Variants in GRID2 observed in about 807,000 individuals in gnomAD.
The protein encoded by GRID2 is glutamate ionotropic receptor delta type subunit 2.
In GRID2, 33 loss-of-function variants were observed where a neutral mutation model predicts 114.8. That is an observed-to-expected ratio of 0.29 (90% CI 0.22 to 0.38). The LOEUF (loss-of-function observed/expected upper bound fraction) is 0.38. Among genes scored for constraint, GRID2 ranks in the 10% least tolerant of loss-of-function variants. GRID2 has a pLI of 1.00. For synonymous variants in GRID2, 505 were observed against 449.9 expected, an observed-to-expected ratio of 1.12 and a Z score of -1.55; for missense variants, 1,184 against 1,257.7, an observed-to-expected ratio of 0.94 and a Z score of 0.89.
chr4:93,453,338 G>A (rs931218468), intron 10 of GRID2, among the ~76,000 whole-genome samples: 5 of 150,814 alleles, frequency 3.3e-5, no homozygotes, highest in African/African-American at 9.8e-5. Flanking sequence ...GAGAGAGAGA[G>A]AGAGAGAGAG....
chr4:92,830,772 A>T (rs1298522852), intron 2 of GRID2, among the ~76,000 whole-genome samples: 1 of 152,204 alleles, frequency 6.6e-6, no homozygotes, highest in African/African-American at 2.4e-5. Context: ...AAACTAAAGC[A>T]AAAATACTTA....
chr4:93,061,033 G>A (rs2149292667), intron 2 of GRID2, among the ~76,000 whole-genome samples: 1 of 152,058 alleles, frequency 6.6e-6, no homozygotes, highest in East Asian at 1.9e-4. Flanking sequence ...ACCCTGAGAG[G>A]CGGACGTTGC....
At chr4:93,741,185 A>ATATATATATATG (rs1731365989) in intron 14 of GRID2, among the ~76,000 whole-genome samples, 1 of 35,762 alleles carries the variant, frequency 2.8e-5, no homozygotes, top group South Asian at 1.1e-3. Flanking sequence ...ATATATATAT[A>ATATATATATATG]TATATATATA....
chr4:93,402,424 T>C (rs1350716309), intron 9 of GRID2, among the ~76,000 whole-genome samples: 5 of 152,122 alleles, frequency 3.3e-5, no homozygotes, highest in South Asian at 2.1e-4. Flanking sequence ...ACAGTGCTTC[T>C]ACATACATTA....
chr4:93,524,803 ATATATATATATGTATGTATG>A (rs1427162722), intron 13 of GRID2, among the ~76,000 whole-genome samples: 2,506 of 76,976 alleles, frequency 0.033, 49 homozygotes, highest in East Asian at 0.059. Flanking sequence ...ATATATATAT[ATATATATATATGTATGTATG>A]TATATATATA....
chr4:92,642,510 C>A (rs1460561749), intron 2 of GRID2, among the ~76,000 whole-genome samples: 4 of 151,760 alleles, frequency 2.6e-5, no homozygotes, highest in Non-Finnish European at 2.9e-5. Context: ...GACTTGAGTT[C>A]TTCGTTGATT....
intron 1 of GRID2, among the ~76,000 whole-genome samples, chr4:92,374,217 C>G (rs1267147215): frequency 6.6e-6 from 1 of 152,132 alleles, no homozygotes; most frequent in South Asian, 2.1e-4. Context: ...CATTTTACAA[C>G]TTATTCTCTT....
chr4:92,498,405 C>A (rs1723500437), intron 1 of GRID2, among the ~76,000 whole-genome samples: 1 of 151,432 alleles, frequency 6.6e-6, no homozygotes, highest in African/African-American at 2.4e-5. Context: ...CAGTAAAGGG[C>A]AATTAAGGGT....
At chr4:93,011,645 A>G (rs946710228) in intron 2 of GRID2, among the ~76,000 whole-genome samples, 1 of 152,156 alleles carries the variant, frequency 6.6e-6, no homozygotes, top group Non-Finnish European at 1.5e-5. Context: ...TTACCATGTC[A>G]CATTGACAAT....
chr4:92,364,573 TGAG>T (rs1276808751), intron 1 of GRID2, among the ~76,000 whole-genome samples: 1 of 151,886 alleles, frequency 6.6e-6, no homozygotes, highest in Non-Finnish European at 1.5e-5. Context: ...TTTTTTTCAT[TGAG>T]GAGAGGTCTA....
chr4:92,456,650 A>G (rs907897300), intron 1 of GRID2, among the ~76,000 whole-genome samples: 7 of 152,154 alleles, frequency 4.6e-5, no homozygotes, highest in Non-Finnish European at 1.0e-4. Flanking sequence ...GATCTAATCT[A>G]TGTATCACTT....
intron 2 of GRID2, among the ~76,000 whole-genome samples, chr4:92,964,209 C>A (rs1038445433): frequency 6.6e-6 from 1 of 152,040 alleles, no homozygotes; most frequent in Non-Finnish European, 1.5e-5. Flanking sequence ...TAGCCCCTAA[C>A]AAGAGAGTCA....
chr4:92,828,000 A>T (rs899948722), intron 2 of GRID2, among the ~76,000 whole-genome samples: 1 of 152,050 alleles, frequency 6.6e-6, no homozygotes, highest in African/African-American at 2.4e-5. Context: ...ATTAATAGAT[A>T]TGTAAGAATT....
intron 8 of GRID2, among the ~76,000 whole-genome samples, chr4:93,304,384 C>G (rs928072090): frequency 5.3e-5 from 8 of 151,378 alleles, no homozygotes; most frequent in African/African-American, 1.7e-4. Flanking sequence ...ACTAGTCAAA[C>G]AGACAAGACA....
intron 2 of GRID2, among the ~76,000 whole-genome samples, chr4:93,074,837 C>T (rs1257756878): frequency 6.6e-6 from 1 of 152,128 alleles, no homozygotes; most frequent in Admixed American, 6.6e-5. Flanking sequence ...GGGAATATTA[C>T]AAACACCTTT....
At chr4:92,924,401 A>T (rs962763780) in intron 2 of GRID2, among the ~76,000 whole-genome samples, 2 of 143,724 alleles carry the variant, frequency 1.4e-5, no homozygotes, top group South Asian at 2.2e-4. Flanking sequence ...AAGTATAATT[A>T]AAAAAAAAAA....
chr4:92,386,553 C>A (rs570917985), intron 1 of GRID2, among the ~76,000 whole-genome samples: 2 of 151,592 alleles, frequency 1.3e-5, no homozygotes, highest in East Asian at 1.9e-4. Flanking sequence ...AATAAAAAAT[C>A]TTTTATGGAG....
chr4:92,657,446 G>A (rs561878350), intron 2 of GRID2, among the ~76,000 whole-genome samples: 100 of 151,394 alleles, frequency 6.6e-4, no homozygotes, highest in South Asian at 4.4e-3. Context: ...CTCGTGCTAT[G>A]AAATTATTCA....
At chr4:92,493,203 G>A (rs1723235220) in intron 1 of GRID2, among the ~76,000 whole-genome samples, 1 of 150,238 alleles carries the variant, frequency 6.7e-6, no homozygotes, top group Non-Finnish European at 1.5e-5. Context: ...TAAGAAAAAA[G>A]TGGTTTTTAT....
Sources: allele counts gnomAD v4.1 joint callset (sites outside exome capture counted in the v4.1 genomes callset), GRCh38; gene constraint gnomAD v4.1.1; transcripts MANE v1.5; gene names NCBI Gene and HGNC (gene_info 2026-07-23, HGNC 2026-07-21).